The following ANO1 variants were observed in gnomAD, a reference collection of about 807,000 sequenced individuals.
ANO1 encodes anoctamin 1, also known as anoctamin-1.
Under a neutral mutation model 124.0 loss-of-function variants are expected in ANO1, and 59 were observed. The observed-to-expected ratio is 0.48, with a 90% CI of 0.39 to 0.59. The LOEUF (loss-of-function observed/expected upper bound fraction) is 0.59. ANO1 is among the 20% of genes least tolerant of loss of function. The pLI is 0.00. For synonymous variants in ANO1, 529 were observed against 532.0 expected (o/e 0.99, Z 0.08); for missense variants, 1,059 against 1,328.0 (o/e 0.80, Z 3.15).
upstream of ANO1, among the ~76,000 whole-genome samples, chr11:69,982,473 T>A (rs1159136760): frequency 6.6e-6 from 1 of 152,156 alleles, no homozygotes; most frequent in Non-Finnish European, 1.5e-5. Context: ...CCACCTGCAT[T>A]TCAGTGTTCT....
intron 11 of ANO1, among the ~76,000 whole-genome samples, chr11:70,133,103 A>T (rs1346823150): frequency 6.6e-6 from 1 of 152,198 alleles, no homozygotes. Context: ...CGGGGCCAGA[A>T]TAGCGCCACC....
chr11:69,966,248 C>A, the ANO1 span, among the ~76,000 whole-genome samples: 1 of 152,164 alleles, frequency 6.6e-6, no homozygotes, highest in Non-Finnish European at 1.5e-5. Context: ...TGGGCACTGA[C>A]CCTGGCTGTC....
intron 1 of ANO1, among the ~76,000 whole-genome samples, chr11:70,018,862 T>C (rs539640730): frequency 6.6e-6 from 1 of 152,288 alleles, no homozygotes; most frequent in Admixed American, 6.5e-5. Flanking sequence ...GAGGACCTGC[T>C]AAGTGCTGGG....
At chr11:70,144,905 T>C (rs965255730) in intron 11 of ANO1, among the ~76,000 whole-genome samples, 8 of 152,166 alleles carry the variant, frequency 5.3e-5, no homozygotes, top group African/African-American at 1.9e-4. Context: ...ATGGAGTGCG[T>C]CGTCCCTGCG....
chr11:70,062,067 CTTTTTTTTT>C (rs1175846749), intron 1 of ANO1, among the ~76,000 whole-genome samples: 18 of 62,274 alleles, frequency 2.9e-4, no homozygotes, highest in Admixed American at 6.7e-4. Flanking sequence ...TTCCTTCTTT[CTTTTTTTTT>C]TTTTTTTTTT....
intron 10 of ANO1, among the ~76,000 whole-genome samples, chr11:70,127,499 C>T (rs73527902): frequency 0.11 from 17,462 of 152,264 alleles, 1,082 homozygotes; most frequent in South Asian, 0.24. Context: ...AGCCTCGCCT[C>T]GCTCAGGGGC....
Position 70,124,425 on chromosome 11 carries a change from G to A in ANO1, c.962+11G>A, listed in dbSNP as rs199549487. On this transcript the variant is annotated intron_variant, in intron 9 of 25. Coordinates refer to ENST00000355303, the MANE Select transcript of ANO1 (RefSeq NM_018043.7). ...CATCGACCTGGTCAGGTAAGAACGC[G>A]CCACAGCCTGCGGGAATCAAGTCCC... The A allele has an allele frequency of 1.0e-4, 166 of 1,613,370 alleles. No individual in the cohort carries two copies. Among genetic ancestry groups the A allele is most frequent in the South Asian group, 3.1e-4 (28 of 91,056 alleles).
At chr11:70,186,936 G>A (rs115600812) in intron 25 of ANO1, among the ~76,000 whole-genome samples, 1 of 152,154 alleles carries the variant, frequency 6.6e-6, no homozygotes, top group Non-Finnish European at 1.5e-5. Context: ...GAGGGGTCTC[G>A]GCCAGAGACA....
At chr11:70,167,808 G>A (rs1309963681) in intron 21 of ANO1, among the ~76,000 whole-genome samples, 1 of 152,126 alleles carries the variant, frequency 6.6e-6, no homozygotes, top group Non-Finnish European at 1.5e-5. Context: ...CCGAGGGCCC[G>A]GCCCTGCTAA....
intron 14 of ANO1, among the ~76,000 whole-genome samples, chr11:70,155,685 G>A (rs1487117715): frequency 1.3e-5 from 2 of 152,196 alleles, no homozygotes; most frequent in South Asian, 2.1e-4. Context: ...AGTCTCTCCC[G>A]TCTCCACCAC....
At position 69,996,484 on chromosome 11, in the gene ANO1, T is replaced by C. The variant is rs532695601; in HGVS notation, c.58+10318T>C. Among the ~76,000 whole-genome samples, 93 of 152,322 alleles carry C rather than the reference T, an allele frequency of 6.1e-4. 1 individual carries two copies. The highest frequency in any genetic ancestry group is 2.2e-3 in the African/African-American group (91 of 41,580). ...CTTCCATTTCAAAGGGAGAAATGTT[T>C]AAATGATCATGTTATTGATTTTAAT... On this transcript the variant is annotated intron_variant, in intron 1 of 27. Transcript: ENST00000531349.
intron 1 of ANO1, chr11:70,085,308 C>T: frequency 7.4e-7 from 1 of 1,345,660 alleles, no homozygotes; most frequent in South Asian, 1.6e-5. Flanking sequence ...AGCCAGCCCT[C>T]CCCCACCCTT....
chr11:70,172,909 C>T (rs1017487249), intron 22 of ANO1, among the ~76,000 whole-genome samples: 44 of 152,000 alleles, frequency 2.9e-4, no homozygotes, highest in Non-Finnish European at 1.5e-5. Flanking sequence ...GTTCCAAGGG[C>T]TTCTCCAGTC....
chr11:70,084,853 A>G (rs79841390), intron 1 of ANO1, among the ~76,000 whole-genome samples: 2 of 152,272 alleles, frequency 1.3e-5, no homozygotes, highest in South Asian at 4.1e-4. Flanking sequence ...AGAGCCCTGC[A>G]CTGGGGTCAG....
upstream of ANO1, among the ~76,000 whole-genome samples, chr11:69,985,220 C>T (rs1324703456): frequency 1.3e-5 from 2 of 152,304 alleles, no homozygotes; most frequent in Admixed American, 6.5e-5. Context: ...GTCCAGTCCT[C>T]TTAGCCGCAG....
At chr11:70,160,763 C>G (rs2048010656) in intron 16 of ANO1, among the ~76,000 whole-genome samples, 1 of 152,246 alleles carries the variant, frequency 6.6e-6, no homozygotes, top group African/African-American at 2.4e-5. Context: ...GGACAAGCCA[C>G]TGGCATGGCG....
At chr11:69,981,587 C>G (rs1381740975), upstream of ANO1, among the ~76,000 whole-genome samples, 2 of 152,246 alleles carry the variant, frequency 1.3e-5, no homozygotes, top group Admixed American at 6.5e-5. Context: ...ACTCCAGCAA[C>G]AGCGCTTTGC....
chr11:70,120,907 G>GC (rs1395622957), intron 8 of ANO1, among the ~76,000 whole-genome samples: 5 of 152,092 alleles, frequency 3.3e-5, no homozygotes, highest in Non-Finnish European at 5.9e-5. Flanking sequence ...ATGGCTGGAC[G>GC]CCCCCCTGCC....
At chr11:70,105,975 G>C (rs1339371631) in intron 5 of ANO1, among the ~76,000 whole-genome samples, 187 bp downstream of exon 5, 1 of 152,122 alleles carries the variant, frequency 6.6e-6, no homozygotes. Context: ...CCCAGGCAGG[G>C]GCAGCTGAGA....
Sources: allele counts gnomAD v4.1 joint callset (sites outside exome capture counted in the v4.1 genomes callset), GRCh38; gene constraint gnomAD v4.1.1; transcripts MANE v1.5; gene names NCBI Gene and HGNC (gene_info 2026-07-23, HGNC 2026-07-21).